The following RNPEPL1 variants were observed in gnomAD, a reference collection of about 807,000 sequenced individuals.
RNPEPL1 encodes arginyl aminopeptidase like 1, also known as aminopeptidase RNPEPL1.
A neutral mutation model predicts 69.0 loss-of-function variants in RNPEPL1; 46 were observed. The observed-to-expected ratio is 0.67, with a 90% confidence interval of 0.53 to 0.85. RNPEPL1 has a LOEUF of 0.85. Ranked by LOEUF, RNPEPL1 falls within the 40% of genes least tolerant of loss-of-function variation. RNPEPL1 has a pLI of 0.00. For missense variants in RNPEPL1, 869 were observed against 992.5 expected, an observed-to-expected ratio of 0.88 and a Z score of 1.67; for synonymous variants, 525 against 454.1, an observed-to-expected ratio of 1.16 and a Z score of -1.98.
chr2:240,568,730 G>T lies in RNPEPL1; in HGVS notation c.144G>T (p.Leu48=). 1 of 1,070,634 alleles carries T rather than the reference G, an allele frequency of 9.3e-7. No individual in the cohort carries two copies. The highest frequency in any genetic ancestry group is 2.9e-5 in the South Asian group (1 of 33,934). 66.3% of individuals were successfully genotyped at this position (1,070,634 alleles called of 1,614,324 possible). ...LFRLRHLQLG[L]ELRPEARELA... ...GCCTCCGCCACCTGCAGCTGGGCCT[G>T]GAGCTGCGGCCCGAGGCGCGCGAGT... Residue 48 remains leucine, a synonymous_variant, in exon 1 of 11, where the codon CTG becomes CTT. Coordinates refer to ENST00000270357, the MANE Select transcript of RNPEPL1 (RefSeq NM_018226.6). This position sits in a 1 kb window ranked among gnomAD's most constrained non-coding sequence, Gnocchi z 6.2.
At chr2:240,576,022 A>G (rs554397008) in intron 8 of RNPEPL1, 61 of 266,038 alleles carry the variant, frequency 2.3e-4, no homozygotes, top group African/African-American at 1.3e-3. Flanking sequence ...GGGTTCAGAC[A>G]TTGAGGGAGA....
intron 1 of RNPEPL1, among the ~76,000 whole-genome samples, chr2:240,570,417 G>A (rs4676349): frequency 0.69 from 104,482 of 152,178 alleles, 36,031 homozygotes; most frequent in South Asian, 0.83. Context: ...CACCTGGCCT[G>A]TGAGCCGCCC....
At position 240,574,834 on chromosome 2, in the gene RNPEPL1, T is replaced by C. The variant is rs540348968; in HGVS notation, c.1289-196T>C. Reference sequence around the variant, plus strand: ...CCGCTTCCCTGGCTCTGAGCAGCAGTCACAGTGGTGTGTGAGTCCTCAGTC... The same window carrying C: ...CCGCTTCCCTGGCTCTGAGCAGCAGCCACAGTGGTGTGTGAGTCCTCAGTC... On this transcript the variant is annotated intron_variant, in intron 6 of 10. Transcript: ENST00000270357. 16 of 658,838 alleles carry C rather than the reference T, an allele frequency of 2.4e-5. 1 individual carries two copies. The South Asian group carries it at 2.8e-4, about 12-fold the overall frequency. 40.8% of individuals were successfully genotyped at this position (658,838 alleles called of 1,614,324 possible).
At chr2:240,573,005 T>C in intron 2 of RNPEPL1, 105 bp from the exon 3 acceptor site, 1 of 1,304,566 alleles carries the variant, frequency 7.7e-7, no homozygotes, top group Admixed American at 2.8e-5. Context: ...GATGGGGATG[T>C]AGGGTTTCCT....
rs1241242827 is a variant in RNPEPL1 at position 240,568,666 on chromosome 2, C to T, written c.80C>T (p.Ala27Val). 9.7e-7 allele frequency: 1 copy of T among 1,034,644 alleles called. No homozygotes were observed. Among genetic ancestry groups the T allele is most frequent in the Non-Finnish European group, 1.2e-6 (1 of 861,696 alleles). The allele number at this position is 1,034,644 out of a possible 1,614,324, so 64.1% of individuals were successfully genotyped here. ...CGCCCGCCGCCCGAGCCGCCGCCCG[C>T]CCTGGACGTGGCCTCGGCCTCCAGC... ...PVRPPPEPPP[A>V]LDVASASSAQ... The change falls in exon 1 of 11, where the codon GCC (alanine) becomes GTC (valine). Residue 27 changes from alanine (A) to valine (V), a missense_variant. Ala to Val is a moderately conservative substitution (Grantham distance 64). Transcript: ENST00000270357. The surrounding 1 kb of genome is among the most constrained non-coding windows in gnomAD (Gnocchi z 6.2).
intron 9 of RNPEPL1, 33 bp from the exon 10 acceptor site, chr2:240,576,815 C>G: frequency 6.2e-7 from 1 of 1,612,486 alleles, no homozygotes; most frequent in Non-Finnish European, 8.5e-7. Context: ...GGTGCAACAG[C>G]GGCCCAGCCC....
intron 1 of RNPEPL1, 44 bp from the exon 2 acceptor site, chr2:240,572,379 C>A: frequency 6.5e-7 from 1 of 1,531,862 alleles, no homozygotes; most frequent in Non-Finnish European, 8.7e-7. Context: ...GGGCCCAGCA[C>A]CCTAGCTGGG....
chr2:240,568,560 C>G lies in RNPEPL1; in HGVS notation c.-27C>G. The G allele has an allele frequency of 2.1e-6, 2 of 968,418 alleles. No individual in the cohort carries two copies. Among genetic ancestry groups the G allele is most frequent in the African/African-American group, 1.8e-5 (1 of 55,978 alleles). The allele number at this position is 968,418 out of a possible 1,614,324, so 60.0% of individuals were successfully genotyped here. A position where few individuals can be genotyped will look rare whatever the true frequency, so the allele number is the denominator to read the frequency against. ...CCCGCGGCCCGGCGCGGCCGCCGCC[C>G]ATGGATTTCACCTAGTGCCGGCGGC... is the stretch of plus-strand genomic sequence containing the variant. On this transcript the variant is annotated 5_prime_UTR_variant, in exon 1 of 11. Transcript: ENST00000270357. The surrounding 1 kb of genome is among the most constrained non-coding windows in gnomAD (Gnocchi z 6.2).
chr2:240,576,710 CT>C lies in RNPEPL1; in HGVS notation c.1688del (p.Phe563SerfsTer21), dbSNP rs773288294. The C allele has an allele frequency of 1.2e-6, 2 of 1,613,014 alleles. No homozygotes were observed. The highest frequency in any genetic ancestry group is 8.5e-7 in the Non-Finnish European group (1 of 1,179,980). Reference protein sequence around the residue: ...SAIDISKWRTFQTALFLDRLL... With the variant: ...SAIDISKWRTXQTALFLDRLL... ...CCATTGACATCTCCAAGTGGAGGAC[CT>C]TCCAGACAGCACTCTTCCTGGACCG... On this transcript the variant is annotated frameshift_variant, in exon 9 of 11. Coordinates refer to ENST00000270357, the MANE Select transcript of RNPEPL1 (RefSeq NM_018226.6). LOFTEE classifies it high-confidence loss of function.
At position 240,568,878 on chromosome 2, in the gene RNPEPL1, G is replaced by T; in HGVS notation, c.292G>T (p.Ala98Ser). 1 of 1,233,150 alleles carries T rather than the reference G, an allele frequency of 8.1e-7. No individual in the cohort carries two copies. The highest frequency in any genetic ancestry group is 2.5e-5 in the South Asian group (1 of 40,588). 76.4% of individuals were successfully genotyped at this position (1,233,150 alleles called of 1,614,324 possible). The change falls in exon 1 of 11, where the codon GCC becomes TCC. Residue 98 changes from alanine (A) to serine (S), a missense_variant. Transcript: ENST00000270357. This position sits in a 1 kb window ranked among gnomAD's most constrained non-coding sequence, Gnocchi z 6.2. The part of the protein sequence containing the change: ...AAFRRAPAAA[A>S]ETPCAFAFSA... The stretch of plus-strand genomic sequence containing the variant: ...CTTCCGTCGCGCCCCCGCCGCCGCC[G>T]CCGAGACGCCCTGCGCCTTCGCCTT...
chr2:240,577,009 G>A lies in RNPEPL1; in HGVS notation c.1884+19G>A. On this transcript the variant is annotated intron_variant, in intron 10 of 10. Coordinates refer to ENST00000270357, the MANE Select transcript of RNPEPL1 (RefSeq NM_018226.6). ...GAGCCAGGTGCGGTCACCTGCCCAG[G>A]GGGCCAGCCTGGAACGGCCTAGCCG... 1 of 1,612,326 alleles carries A rather than the reference G, an allele frequency of 6.2e-7. No individual in the cohort carries two copies. Among genetic ancestry groups the A allele is most frequent in the Non-Finnish European group, 8.5e-7 (1 of 1,179,712 alleles).
At chr2:240,571,184 C>T (rs760911682) in intron 1 of RNPEPL1, among the ~76,000 whole-genome samples, 2 of 152,156 alleles carry the variant, frequency 1.3e-5, no homozygotes, top group East Asian at 1.9e-4. Context: ...GAATGGGAGA[C>T]GCCTGTGCTA....
chr2:240,577,666 T>C lies in RNPEPL1; in HGVS notation c.1952T>C (p.Leu651Pro). 6.2e-7 allele frequency: 1 copy of C among 1,612,632 alleles called. No homozygotes were observed. The highest frequency in any genetic ancestry group is 1.3e-5 in the African/African-American group (1 of 75,044). ...LCTGALKSFA[L>P]EVFYQTQGRL... Reference sequence around the variant, plus strand: ...ACCGGTGCCCTCAAGTCCTTCGCGCTGGAGGTCTTCTACCAGACGCAGGGC... The same window carrying C: ...ACCGGTGCCCTCAAGTCCTTCGCGCCGGAGGTCTTCTACCAGACGCAGGGC... Residue 651 changes from leucine to proline, a missense_variant, in exon 11 of 11, where the codon CTG (leucine) becomes CCG (proline). Leu to Pro is a moderately conservative substitution (Grantham distance 98, BLOSUM62 -3). This residue lies in a region of RNPEPL1 where 610 missense variants were observed against 790.9 expected (regional missense o/e 0.77). Coordinates refer to ENST00000270357, the MANE Select transcript of RNPEPL1 (RefSeq NM_018226.6).
chr2:240,574,762 G>T, intron 6 of RNPEPL1, 134 bp downstream of exon 6: 1 of 835,248 alleles, frequency 1.2e-6, no homozygotes, highest in Non-Finnish European at 1.9e-6. Context: ...GGCCAAGCTG[G>T]GAGCCCCTGG....
intron 6 of RNPEPL1, 22 bp from the exon 7 acceptor site, chr2:240,575,008 C>T: frequency 1.9e-6 from 3 of 1,590,694 alleles, no homozygotes; most frequent in Non-Finnish European, 2.6e-6. Context: ...GACGCCAGCC[C>T]AGGTGGGTGT....
In RNPEPL1 at chr2:240,579,883, C is replaced by CTG. The variant is rs1344424441; in HGVS notation, c.*1994_*1995dup. 6.6e-6 allele frequency: 1 copy of CTG among 152,258 alleles called. No individual in the cohort carries two copies. Among genetic ancestry groups the CTG allele is most frequent in the African/African-American group, 2.4e-5 (1 of 41,462 alleles). 9.4% of individuals were successfully genotyped at this position (152,258 alleles called of 1,614,324 possible). A position where few individuals can be genotyped will look rare whatever the true frequency, so the allele number is the denominator to read the frequency against. On this transcript the variant is annotated 3_prime_UTR_variant, in exon 11 of 11. Coordinates refer to ENST00000270357, the MANE Select transcript of RNPEPL1 (RefSeq NM_018226.6). Reference sequence around the variant, plus strand: ...TTGCAATTCAGCTCTCGAAATGACTCTGTGGTCTGCGGGTGACTCCACTCC... The same window carrying CTG: ...TTGCAATTCAGCTCTCGAAATGACTCTGTGTGGTCTGCGGGTGACTCCACTCC...
At chr2:240,569,277 C>T in intron 1 of RNPEPL1, 163 bp downstream of exon 1, 5 of 778,950 alleles carry the variant, frequency 6.4e-6, no homozygotes, top group Non-Finnish European at 9.2e-6. Context: ...CCTTAGGACC[C>T]TCGGATAGAA....
At chr2:240,571,702 G>T (rs4676424) in intron 1 of RNPEPL1, among the ~76,000 whole-genome samples, 66,168 of 151,286 alleles carry the variant, frequency 0.44, 14,670 homozygotes, top group Middle Eastern at 0.47. Context: ...TTGCCGGGGG[G>T]GTGACCTTAG....
Position 240,580,725 on chromosome 2 carries a change from T to C in RNPEPL1, c.*2833T>C, listed in dbSNP as rs185586223. 5.3e-5 allele frequency: 8 copies of C among 152,246 alleles called. No homozygotes were observed. The East Asian group carries it at 1.3e-3, about 26-fold the overall frequency. The allele number at this position is 152,246 out of a possible 1,614,324, so 9.4% of individuals were successfully genotyped here. A position where few individuals can be genotyped will look rare whatever the true frequency, so the allele number is the denominator to read the frequency against. The stretch of plus-strand genomic sequence containing the variant: ...GGGGGCAGATGGCAAACAGCACTAA[T>C]GACAACGACGGAGCTGAGGCCAGAA... On this transcript the variant is annotated 3_prime_UTR_variant, in exon 11 of 11. Coordinates refer to ENST00000270357, the MANE Select transcript of RNPEPL1 (RefSeq NM_018226.6).
Sources: gnomAD v4.1 joint callset for allele counts (sites outside exome capture counted in the v4.1 genomes callset) on GRCh38, gnomAD v4.1.1 for gene constraint, gnomAD v4.1.1 regional missense constraint, Gnocchi (gnomAD v3.1) non-coding constraint, MANE v1.5 for transcripts, NCBI Gene and HGNC (gene_info 2026-07-23, HGNC 2026-07-21) for gene names.